The following KLHL32 variants were observed in gnomAD, a reference collection of about 807,000 sequenced individuals.
The protein encoded by KLHL32 is kelch-like protein 32.
Under a neutral mutation model 64.8 loss-of-function variants are expected in KLHL32, and 35 were observed. The observed-to-expected ratio is 0.54, with a 90% CI of 0.41 to 0.72. KLHL32 has a LOEUF of 0.72. Ranked by LOEUF, KLHL32 falls within the 30% of genes least tolerant of loss-of-function variation. KLHL32 has a pLI of 0.00. For synonymous variants in KLHL32, 259 were observed against 281.0 expected (o/e 0.92, Z 0.78); for missense variants, 589 against 768.5 (o/e 0.77, Z 2.76).
chr6:97,039,449 G>C (rs951366435), intron 3 of KLHL32, among the ~76,000 whole-genome samples: 2 of 152,106 alleles, frequency 1.3e-5, no homozygotes, highest in Admixed American at 6.6e-5. Context: ...CAAATATACA[G>C]TTTAATAGAA....
At position 96,967,932 on chromosome 6, in the gene KLHL32, G is replaced by C. The variant is rs146204633; in HGVS notation, c.23+849G>C. ...ATGAGAAAATGCATGGCATTCATTT[G>C]AATAGTCTCACTGGAGGTAAATCTG... On this transcript the variant is annotated intron_variant, in intron 2 of 10. Transcript: ENST00000369261. Among the ~76,000 whole-genome samples, 393 of 152,306 alleles carry C rather than the reference G, an allele frequency of 2.6e-3. 1 individual carries two copies. Among genetic ancestry groups the C allele is most frequent in the Non-Finnish European group, 4.2e-3 (288 of 68,020 alleles).
intron 6 of KLHL32, among the ~76,000 whole-genome samples, chr6:97,113,070 T>G (rs772486553): frequency 3.9e-5 from 6 of 152,170 alleles, no homozygotes; most frequent in Admixed American, 3.3e-4. Context: ...TCCTCTATAT[T>G]CTGTTTTTGT....
At chr6:97,031,390 C>T (rs1177789000) in intron 3 of KLHL32, among the ~76,000 whole-genome samples, 1 of 151,514 alleles carries the variant, frequency 6.6e-6, no homozygotes, top group African/African-American at 2.4e-5. Context: ...AGCTGGAGTG[C>T]AGTGGTGTGA....
intron 4 of KLHL32, among the ~76,000 whole-genome samples, chr6:97,050,647 T>C (rs1786740081): frequency 6.6e-6 from 1 of 152,148 alleles, no homozygotes; most frequent in African/African-American, 2.4e-5. Context: ...ACTTGAGTAA[T>C]AGTCACATTT....
chr6:97,038,389 A>C (rs1344518711), intron 3 of KLHL32, among the ~76,000 whole-genome samples: 1 of 152,166 alleles, frequency 6.6e-6, no homozygotes, highest in Non-Finnish European at 1.5e-5. Context: ...AGATATACAG[A>C]TGTCCAATAG....
intron 10 of KLHL32, among the ~76,000 whole-genome samples, chr6:97,134,621 T>C (rs548921799): frequency 3.3e-5 from 5 of 152,202 alleles, no homozygotes; most frequent in Non-Finnish European, 7.3e-5. Flanking sequence ...TTTGGGTTTA[T>C]CATGAAATAA....
In KLHL32 at chr6:96,967,334, A is replaced by G. The variant is rs563426586; in HGVS notation, c.23+251A>G. 2.6e-5 allele frequency among the ~76,000 whole-genome samples: 4 copies of G among 152,194 alleles called. No homozygotes were observed. In the East Asian group the frequency reaches 7.7e-4, roughly 29 times the overall value. On this transcript the variant is annotated intron_variant, in intron 2 of 10. Coordinates refer to ENST00000369261, the MANE Select transcript of KLHL32 (RefSeq NM_052904.4). ...TTTTAATCTTTTTTTCTTATTTAGG[A>G]TGCTAACTTCCCTCAAACATGAGGT...
chr6:97,071,271 T>G (rs1562304788), intron 5 of KLHL32, among the ~76,000 whole-genome samples: 1 of 152,176 alleles, frequency 6.6e-6, no homozygotes, highest in Non-Finnish European at 1.5e-5. Context: ...CCTTATTGTC[T>G]GATGCAGCAG....
At chr6:97,083,226 C>T (rs1266659192) in intron 5 of KLHL32, among the ~76,000 whole-genome samples, 2 of 152,076 alleles carry the variant, frequency 1.3e-5, no homozygotes, top group Admixed American at 6.5e-5. Flanking sequence ...CCCATCTCTA[C>T]TAAAAATCCA....
In KLHL32 at chr6:97,130,748, T is replaced by A; in HGVS notation, c.1414-9T>A. The stretch of plus-strand genomic sequence containing the variant: ...TACTAACAGAATACACTTAAATTTC[T>A]TTTTTCAGAATAAGTGGATAAGCCG... On this transcript the variant is annotated splice_polypyrimidine_tract_variant and intron_variant, in intron 8 of 10. Coordinates refer to ENST00000369261, the MANE Select transcript of KLHL32 (RefSeq NM_052904.4). The A allele has an allele frequency of 1.9e-6, 3 of 1,596,320 alleles. No individual in the cohort carries two copies. The highest frequency in any genetic ancestry group is 2.6e-6 in the Non-Finnish European group (3 of 1,171,654).
intron 3 of KLHL32, among the ~76,000 whole-genome samples, chr6:97,038,892 A>C (rs1784680849): frequency 6.6e-6 from 1 of 151,780 alleles, no homozygotes; most frequent in Non-Finnish European, 1.5e-5. Context: ...GGAGTTCGAG[A>C]CCAGCATGGC....
At chr6:97,023,059 C>A (rs55670641) in intron 3 of KLHL32, among the ~76,000 whole-genome samples, 2,732 of 152,230 alleles carry the variant, frequency 0.018, 34 homozygotes, top group East Asian at 0.07. Flanking sequence ...TGGGGGAAAC[C>A]GTCTCCACAA....
intron 1 of KLHL32, among the ~76,000 whole-genome samples, chr6:96,950,500 T>TA (rs59688440): frequency 0.099 from 14,653 of 147,654 alleles, 738 homozygotes; most frequent in Middle Eastern, 0.16. Flanking sequence ...GTTGTCACGT[T>TA]AAAAAAAAAA....
intron 4 of KLHL32, among the ~76,000 whole-genome samples, chr6:97,058,677 C>G (rs1788400264): frequency 6.6e-6 from 1 of 152,174 alleles, no homozygotes; most frequent in Non-Finnish European, 1.5e-5. Context: ...ATAAACAATG[C>G]CAGACTCAGC....
At chr6:96,970,429 T>A (rs1774987304) in intron 2 of KLHL32, among the ~76,000 whole-genome samples, 1 of 152,190 alleles carries the variant, frequency 6.6e-6, no homozygotes, top group Non-Finnish European at 1.5e-5. Flanking sequence ...CATTTGCTGT[T>A]CTCCTGCCTG....
chr6:96,940,811 G>A (rs752092838), intron 1 of KLHL32, among the ~76,000 whole-genome samples: 1 of 152,178 alleles, frequency 6.6e-6, no homozygotes, highest in African/African-American at 2.4e-5. Context: ...ATAGAAATGA[G>A]GTGAGAGGCG....
intron 3 of KLHL32, among the ~76,000 whole-genome samples, chr6:97,006,971 G>C (rs1435023748): frequency 6.6e-6 from 1 of 151,956 alleles, no homozygotes; most frequent in African/African-American, 2.4e-5. Flanking sequence ...TGTGTCTTGG[G>C]GATGGTCATC....
At chr6:96,983,919 T>C (rs1776674740) in intron 3 of KLHL32, among the ~76,000 whole-genome samples, 2 of 152,228 alleles carry the variant, frequency 1.3e-5, no homozygotes, top group South Asian at 2.1e-4. Context: ...TGCCTTCTGC[T>C]AGCTTTTGAA....
At chr6:96,947,823 A>G (rs1308970511) in intron 1 of KLHL32, among the ~76,000 whole-genome samples, 1 of 152,192 alleles carries the variant, frequency 6.6e-6, no homozygotes, top group Non-Finnish European at 1.5e-5. Context: ...GGAATTAAGT[A>G]CTTGTCCAGA....
Sources: gnomAD v4.1 joint callset for allele counts (sites outside exome capture counted in the v4.1 genomes callset) on GRCh38, gnomAD v4.1.1 for gene constraint, MANE v1.5 for transcripts, NCBI Gene and HGNC (gene_info 2026-07-23, HGNC 2026-07-21) for gene names.